FRMD6: variants seen among roughly 807,000 people sequenced by gnomAD.
FRMD6 encodes FERM domain-containing protein 6.
Under a neutral mutation model 73.2 loss-of-function variants are expected in FRMD6, and 37 were observed. The ratio of observed to expected loss-of-function variants is 0.51; its 90% CI spans 0.39 to 0.66. FRMD6 has a LOEUF of 0.66. Among genes scored for constraint, FRMD6 ranks in the 30% least tolerant of loss-of-function variants. The pLI is 0.00. For synonymous variants in FRMD6, 273 were observed against 282.2 expected (o/e 0.97, Z 0.33); for missense variants, 714 against 780.5 (o/e 0.91, Z 1.02).
In FRMD6 at chr14:51,730,525, T is replaced by C. The variant is rs1170864036; in HGVS notation, c.*2496T>C. 6.6e-6 allele frequency: 1 copy of C among 152,654 alleles called. No homozygotes were observed. The highest frequency in any genetic ancestry group is 1.5e-5 in the Non-Finnish European group (1 of 68,044). 9.5% of individuals were successfully genotyped at this position (152,654 alleles called of 1,614,324 possible). Reference sequence around the variant, plus strand: ...TCAGTATACCCGTTTTGGTATATATTGCCTCTGCACATCTACATTTGTATA... The same window carrying C: ...TCAGTATACCCGTTTTGGTATATATCGCCTCTGCACATCTACATTTGTATA... On this transcript the variant is annotated 3_prime_UTR_variant, in exon 14 of 14. Transcript: ENST00000344768.
rs1252096540 is a variant in FRMD6, at chr14:51,527,727, T to C, written c.-210+38307T>C. 2.0e-5 allele frequency among the ~76,000 whole-genome samples: 3 copies of C among 152,162 alleles called. No individual in the cohort carries two copies. The East Asian group carries it at 5.8e-4, about 29-fold the overall frequency. On this transcript the variant is annotated intron_variant, in intron 1 of 14. Transcript: ENST00000356218. ...CCTAGATTTTTCATGCTTCTGACAA[T>C]AAAACTAACTGTACCTTTCAGCCAG...
At chr14:51,502,100 A>G (rs757178175) in intron 1 of FRMD6, among the ~76,000 whole-genome samples, 2 of 151,904 alleles carry the variant, frequency 1.3e-5, no homozygotes, top group Non-Finnish European at 2.9e-5. Flanking sequence ...TAAGTTTCTT[A>G]AAATAGCTGG....
Position 51,503,681 on chromosome 14 carries a change from G to T in FRMD6, c.-210+14261G>T, listed in dbSNP as rs201471843. ...CAAGGATATTGGGCTGAAGTTTTTTGTTTTTTTTTTTTGTATCTCTGCTGG... is the reference window on the plus strand; with the variant it reads ...CAAGGATATTGGGCTGAAGTTTTTTTTTTTTTTTTTTTGTATCTCTGCTGG... On this transcript the variant is annotated intron_variant, in intron 1 of 14. Coordinates refer to the FRMD6 transcript ENST00000356218. Among the ~76,000 whole-genome samples, 99 of 140,984 alleles carry T rather than the reference G, an allele frequency of 7.0e-4. 2 individuals are homozygous for T. The highest frequency in any genetic ancestry group is 9.6e-4 in the Non-Finnish European group (60 of 62,782). 92.5% of individuals were successfully genotyped at this position (140,984 alleles called of 152,430 possible). A position where few individuals can be genotyped will look rare whatever the true frequency, so the allele number is the denominator to read the frequency against.
At chr14:51,400,279 C>T in the FRMD6 span, among the ~76,000 whole-genome samples, 13,559 of 152,178 alleles carry the variant, frequency 0.089, 655 homozygotes, top group Middle Eastern at 0.13. Context: ...CCCCATCTAC[C>T]GCTCTACTCC....
At chr14:51,662,831 A>G (rs1223441428) in intron 1 of FRMD6, among the ~76,000 whole-genome samples, 2 of 152,246 alleles carry the variant, frequency 1.3e-5, no homozygotes, top group Non-Finnish European at 2.9e-5. Flanking sequence ...GGAAACTGTC[A>G]ACAGAGTGAA....
chr14:51,683,642 T>TA (rs1894960912), intron 1 of FRMD6, among the ~76,000 whole-genome samples: 1 of 152,108 alleles, frequency 6.6e-6, no homozygotes, highest in African/African-American at 2.4e-5. Context: ...TGATAGCTAA[T>TA]ACTTATATCC....
In FRMD6 at chr14:51,514,459, C is replaced by A. The variant is rs1884504710; in HGVS notation, c.-210+25039C>A. 1.3e-5 allele frequency among the ~76,000 whole-genome samples: 2 copies of A among 152,090 alleles called. 1 individual carries two copies. The highest frequency in any genetic ancestry group is 4.1e-4 in the South Asian group (2 of 4,820). ...AGTAAACCACCATGGCACATGTATA[C>A]CTGTGTAACAAACCTGCATGTTCTG... On this transcript the variant is annotated intron_variant, in intron 1 of 14. Coordinates refer to the FRMD6 transcript ENST00000356218.
At chr14:51,681,314 C>A (rs1476572121) in intron 1 of FRMD6, among the ~76,000 whole-genome samples, 1 of 152,188 alleles carries the variant, frequency 6.6e-6, no homozygotes, top group Non-Finnish European at 1.5e-5. Context: ...TAGATAGTGA[C>A]CACTACATGT....
upstream of FRMD6, chr14:51,489,128 G>A (rs373581928): frequency 5.3e-5 from 8 of 152,210 alleles, no homozygotes; most frequent in East Asian, 3.8e-4. Context: ...GAGAAAGAGG[G>A]CTTTCCTCCT....
intron 1 of FRMD6, among the ~76,000 whole-genome samples, chr14:51,556,051 G>A (rs1310372503): frequency 6.6e-6 from 1 of 152,148 alleles, no homozygotes; most frequent in Non-Finnish European, 1.5e-5. Context: ...CAAAACTAGG[G>A]CTAAGTATTG....
chr14:51,624,953 T>C (rs757654460), intron 2 of FRMD6, among the ~76,000 whole-genome samples: 1 of 152,134 alleles, frequency 6.6e-6, no homozygotes, highest in African/African-American at 2.4e-5. Flanking sequence ...CCTGGGAAAA[T>C]GTCAAGTTGT....
the FRMD6 span, among the ~76,000 whole-genome samples, chr14:51,422,156 T>C: frequency 5.7e-4 from 87 of 152,328 alleles, 1 homozygote; most frequent in South Asian, 0.017. Context: ...TATATCATCA[T>C]CATAAAGCCG....
At chr14:51,498,281 A>G (rs1883415131) in intron 1 of FRMD6, among the ~76,000 whole-genome samples, 1 of 152,204 alleles carries the variant, frequency 6.6e-6, no homozygotes, top group East Asian at 1.9e-4. Context: ...TGATTGTTTC[A>G]AAAATATGGG....
intron 11 of FRMD6, among the ~76,000 whole-genome samples, chr14:51,721,731 G>GAA: frequency 1.6e-5 from 2 of 121,424 alleles, no homozygotes; most frequent in Non-Finnish European, 3.4e-5. Flanking sequence ...AGGGAGGAAG[G>GAA]GAGGGAGGAA....
chr14:51,689,609 G>T, intron 1 of FRMD6, 82 bp from the exon 2 acceptor site: 1 of 530,356 alleles, frequency 1.9e-6, no homozygotes, highest in African/African-American at 1.9e-5. Context: ...CAATAGTAGT[G>T]GTGCTGTGCT....
intron 1 of FRMD6, among the ~76,000 whole-genome samples, chr14:51,655,873 G>T (rs1892784397): frequency 6.6e-6 from 1 of 152,132 alleles, no homozygotes; most frequent in South Asian, 2.1e-4. Flanking sequence ...TAAATAATGT[G>T]CAGGGACTGG....
the FRMD6 span, among the ~76,000 whole-genome samples, chr14:51,459,678 A>T: frequency 2.4e-3 from 368 of 151,952 alleles, 1 homozygote; most frequent in African/African-American, 8.1e-3. Flanking sequence ...ATACAAAAAA[A>T]TAGCCGGGCG....
intron 2 of FRMD6, among the ~76,000 whole-genome samples, chr14:51,623,631 C>A (rs947741582): frequency 6.6e-6 from 1 of 152,182 alleles, no homozygotes; most frequent in Non-Finnish European, 1.5e-5. Context: ...CCAGATATCA[C>A]AGTTTCCTGG....
At chr14:51,523,917 A>G (rs573267501) in intron 1 of FRMD6, among the ~76,000 whole-genome samples, 2 of 152,206 alleles carry the variant, frequency 1.3e-5, no homozygotes, top group Non-Finnish European at 2.9e-5. Context: ...TGGAAAGCAT[A>G]TGGTTATTAC....
Sources: gnomAD v4.1 joint callset for allele counts (sites outside exome capture counted in the v4.1 genomes callset) on GRCh38, gnomAD v4.1.1 for gene constraint, MANE v1.5 for transcripts, NCBI Gene and HGNC (gene_info 2026-07-23, HGNC 2026-07-21) for gene names.